Variants in FARS2 observed in about 807,000 individuals in gnomAD.
FARS2 encodes the protein phenylalanine--tRNA ligase, mitochondrial.
FARS2 carries 40 observed loss-of-function variants against 46.4 expected under a neutral mutation model. That is an observed-to-expected ratio of 0.86 (90% CI 0.67 to 1.12). The LOEUF (loss-of-function observed/expected upper bound fraction) is 1.12. Ranked by LOEUF, FARS2 falls within the 50% of genes most tolerant of loss-of-function variation. FARS2 has a pLI of 0.00. For synonymous variants in FARS2, 234 were observed against 214.9 expected, an observed-to-expected ratio of 1.09 and a Z score of -0.78; for missense variants, 513 against 567.9, an observed-to-expected ratio of 0.90 and a Z score of 0.98.
intron 1 of FARS2, among the ~76,000 whole-genome samples, chr6:5,349,818 T>C (rs1242198641): frequency 6.6e-6 from 1 of 152,148 alleles, no homozygotes; most frequent in Non-Finnish European, 1.5e-5. Flanking sequence ...GTCAGGTGTT[T>C]AGTAGAATGT....
the FARS2 span, among the ~76,000 whole-genome samples, chr6:5,251,508 C>T: frequency 6.6e-6 from 1 of 152,142 alleles, no homozygotes; most frequent in African/African-American, 2.4e-5. Context: ...AGACACATCA[C>T]AGGCCAGAGC....
At chr6:5,371,000 G>A (rs901628869) in intron 2 of FARS2, among the ~76,000 whole-genome samples, 3 of 152,144 alleles carry the variant, frequency 2.0e-5, no homozygotes, top group South Asian at 2.1e-4. Flanking sequence ...ATGAGGTCCC[G>A]AAAGGTTTAG....
At chr6:5,389,376 G>A (rs1760343374) in intron 2 of FARS2, among the ~76,000 whole-genome samples, 1 of 151,950 alleles carries the variant, frequency 6.6e-6, no homozygotes, top group African/African-American at 2.4e-5. Context: ...TAAGATGCTG[G>A]TTGGCACAGC....
At chr6:5,573,746 TG>T (rs1772795281) in intron 5 of FARS2, among the ~76,000 whole-genome samples, 1 of 152,214 alleles carries the variant, frequency 6.6e-6, no homozygotes, top group African/African-American at 2.4e-5. Flanking sequence ...TTTCCAGGCA[TG>T]GGAGTTCTCT....
At chr6:5,346,856 A>G (rs1241922468) in intron 1 of FARS2, among the ~76,000 whole-genome samples, 1 of 151,570 alleles carries the variant, frequency 6.6e-6, no homozygotes, top group African/African-American at 2.4e-5. Flanking sequence ...TTCTTTTTTT[A>G]GAGTAAAATT....
chr6:5,652,624 C>A (rs780951073), intron 6 of FARS2, among the ~76,000 whole-genome samples: 3 of 152,224 alleles, frequency 2.0e-5, no homozygotes, highest in Non-Finnish European at 4.4e-5. Context: ...CGCTTGCCAA[C>A]TTCCAGGGAA....
chr6:5,480,951 G>A (rs770314131), intron 4 of FARS2, among the ~76,000 whole-genome samples: 5 of 152,176 alleles, frequency 3.3e-5, no homozygotes, highest in African/African-American at 4.8e-5. Flanking sequence ...ACACGCATAC[G>A]TGCATTTGTG....
At chr6:5,593,285 C>G (rs1323425327) in intron 5 of FARS2, among the ~76,000 whole-genome samples, 1 of 139,974 alleles carries the variant, frequency 7.1e-6, no homozygotes, top group African/African-American at 3.4e-5. Context: ...CATGAAGGAA[C>G]TGCACCTCCC....
At chr6:5,357,718 A>G (rs974385456) in intron 1 of FARS2, among the ~76,000 whole-genome samples, 4 of 152,234 alleles carry the variant, frequency 2.6e-5, no homozygotes, top group African/African-American at 9.6e-5. Context: ...AGGGCAGGCA[A>G]TGGAAATAGC....
At chr6:5,656,800 C>T (rs192592881) in intron 6 of FARS2, among the ~76,000 whole-genome samples, 22 of 152,280 alleles carry the variant, frequency 1.4e-4, no homozygotes, top group East Asian at 9.7e-4. Context: ...CCACCCTCCT[C>T]GGCCTCCCAA....
chr6:5,404,771 G>GTTTTT, intron 3 of FARS2, 70 bp downstream of exon 3: 5 of 622,342 alleles, frequency 8.0e-6, no homozygotes, highest in Non-Finnish European at 1.2e-5. Flanking sequence ...TTGGATTTGG[G>GTTTTT]TTTTTTTTTT....
At chr6:5,660,990 G>A (rs1346521182) in intron 6 of FARS2, among the ~76,000 whole-genome samples, 8 of 152,250 alleles carry the variant, frequency 5.3e-5, no homozygotes, top group Admixed American at 5.2e-4. Flanking sequence ...GACTCTGGCT[G>A]CTTTGTGGAG....
At chr6:5,449,830 G>A (rs1303684841) in intron 4 of FARS2, among the ~76,000 whole-genome samples, 2 of 152,168 alleles carry the variant, frequency 1.3e-5, no homozygotes, top group Non-Finnish European at 2.9e-5. Flanking sequence ...GGATTTTGGA[G>A]CATTTAAGAT....
intron 5 of FARS2, among the ~76,000 whole-genome samples, chr6:5,582,318 C>T (rs1773383545): frequency 6.6e-6 from 1 of 152,082 alleles, no homozygotes; most frequent in South Asian, 2.1e-4. Context: ...GTCACAGTAA[C>T]ATACTTCCGG....
At chr6:5,250,518 T>C in the FARS2 span, among the ~76,000 whole-genome samples, 1 of 151,954 alleles carries the variant, frequency 6.6e-6, no homozygotes, top group Non-Finnish European at 1.5e-5. Context: ...CTTAGCAATG[T>C]AAGAGAAAAA....
intron 6 of FARS2, among the ~76,000 whole-genome samples, chr6:5,707,892 GC>G (rs113675206): frequency 2.0e-5 from 3 of 152,360 alleles, no homozygotes; most frequent in African/African-American, 7.2e-5. Flanking sequence ...TGAACAAGCA[GC>G]GGGGTGCCGC....
rs1776260243 is a variant in FARS2, at chr6:5,630,822, C to G, written c.1217+17502C>G. Among the ~76,000 whole-genome samples, 1 of 152,198 alleles carries G rather than the reference C, an allele frequency of 6.6e-6. No individual in the cohort carries two copies. Among genetic ancestry groups the G allele is most frequent in the South Asian group, 2.1e-4 (1 of 4,824 alleles). The stretch of plus-strand genomic sequence containing the variant: ...ACTTCATCAAGTAAAGCCGGTGTGT[C>G]TAACTTAAGAAAGAATGTGGCATGC... On this transcript the variant is annotated intron_variant, in intron 6 of 6. Coordinates refer to ENST00000274680, the MANE Select transcript of FARS2 (RefSeq NM_006567.5). The surrounding 1 kb of genome is among the most constrained non-coding windows in gnomAD (Gnocchi z 4.2).
intron 6 of FARS2, among the ~76,000 whole-genome samples, chr6:5,628,118 A>C (rs11962925): frequency 0.058 from 8,827 of 152,298 alleles, 778 homozygotes; most frequent in African/African-American, 0.19. Context: ...TGTAGGAAGT[A>C]TGTAAATTAT....
chr6:5,671,580 G>C (rs1412193163), intron 6 of FARS2, among the ~76,000 whole-genome samples: 1 of 152,122 alleles, frequency 6.6e-6, no homozygotes, highest in Admixed American at 6.5e-5. Context: ...CAACACTGTC[G>C]GGCCAGTCTG....
Sources: allele counts gnomAD v4.1 joint callset (sites outside exome capture counted in the v4.1 genomes callset), GRCh38; gene constraint gnomAD v4.1.1; non-coding constraint Gnocchi (gnomAD v3.1); transcripts MANE v1.5; gene names NCBI Gene and HGNC (gene_info 2026-07-23, HGNC 2026-07-21).